Variants in MYEF2 observed in about 807,000 individuals in gnomAD.
MYEF2 encodes the protein myelin gene expression factor 2.
Under a neutral mutation model 75.2 loss-of-function variants are expected in MYEF2, and 37 were observed. The ratio of observed to expected loss-of-function variants is 0.49; its 90% CI spans 0.38 to 0.65. The LOEUF (loss-of-function observed/expected upper bound fraction) is 0.65. MYEF2 is among the 30% of genes least tolerant of loss of function. MYEF2 has a pLI of 0.00. For missense variants in MYEF2, 634 were observed against 771.4 expected (o/e 0.82, Z 2.11); for synonymous variants, 195 against 241.6 (o/e 0.81, Z 1.79).
chr15:48,147,285 A>G (rs1250216398), intron 16 of MYEF2, among the ~76,000 whole-genome samples: 1 of 151,956 alleles, frequency 6.6e-6, no homozygotes, highest in Non-Finnish European at 1.5e-5. Flanking sequence ...AGCCTTGCTC[A>G]TATCTAACCT....
Position 48,153,795 on chromosome 15 carries a change from C to A in MYEF2, c.1084G>T (p.Gly362Cys). Residue 362 changes from glycine to cysteine, a missense_variant, in exon 10 of 17, where the codon GGT (glycine) becomes TGT (cysteine). Coordinates refer to ENST00000324324, the MANE Select transcript of MYEF2 (RefSeq NM_016132.5). ...IGGVMGNLGP[G>C]GMGMDGPGFG... is the part of the protein sequence containing the mutation. ...AAGAGGAAGTTAGAATACTCACCAC[C>A]TGGACCTAAATTTCCCATTACTCCA... 3 of 1,612,472 alleles carry A rather than the reference C, an allele frequency of 1.9e-6. No homozygotes were observed. The highest frequency in any genetic ancestry group is 2.5e-6 in the Non-Finnish European group (3 of 1,178,912).
At position 48,142,885 on chromosome 15, in the gene MYEF2, A is replaced by T; in HGVS notation, c.*23T>A. On this transcript the variant is annotated 3_prime_UTR_variant, in exon 17 of 17. Coordinates refer to ENST00000324324, the MANE Select transcript of MYEF2 (RefSeq NM_016132.5). ...GGAGATTCAGCAAAACAGATGTAGGAATGTTCCAACCATGGCTTGAAATTA... is the reference window on the plus strand; with the variant it reads ...GGAGATTCAGCAAAACAGATGTAGGTATGTTCCAACCATGGCTTGAAATTA... 1 of 1,580,314 alleles carries T rather than the reference A, an allele frequency of 6.3e-7. No homozygotes were observed. The highest frequency in any genetic ancestry group is 8.6e-7 in the Non-Finnish European group (1 of 1,165,736).
chr15:48,166,419 T>G (rs2040135859), intron 3 of MYEF2, among the ~76,000 whole-genome samples: 2 of 151,968 alleles, frequency 1.3e-5, no homozygotes, highest in South Asian at 4.1e-4. Context: ...CTGCACAAAT[T>G]AAATCAACAG....
In MYEF2 at chr15:48,139,045, A is replaced by C. The variant is rs1467663918; in HGVS notation, c.*3863T>G. On this transcript the variant is annotated 3_prime_UTR_variant, in exon 17 of 17. Coordinates refer to ENST00000324324, the MANE Select transcript of MYEF2 (RefSeq NM_016132.5). ...GGGTATTATCCCTTCCTATTATTAC[A>C]TTACTTTTTCTAACCACACCAGATT... 4.3e-6 allele frequency: 7 copies of C among 1,613,110 alleles called. No individual in the cohort carries two copies. The highest frequency in any genetic ancestry group is 5.1e-6 in the Non-Finnish European group (6 of 1,179,332).
chr15:48,166,013 T>C lies in MYEF2; in HGVS notation c.445A>G (p.Lys149Glu). 6.3e-7 allele frequency: 1 copy of C among 1,596,100 alleles called. No individual in the cohort carries two copies. Among genetic ancestry groups the C allele is most frequent in the South Asian group, 1.1e-5 (1 of 87,792 alleles). The change falls in exon 5 of 17, where the codon AAA (lysine) becomes GAA (glutamate). Residue 149 changes from lysine to glutamate, a missense_variant. Coordinates refer to ENST00000324324, the MANE Select transcript of MYEF2 (RefSeq NM_016132.5). ...GCTTTCTTTACAAATTCTTCATCTT[T>C]GAATTCAACCACACTTAATAGGGAA... is the stretch of plus-strand genomic sequence containing the variant. ...KSRGCGVVEF[K>E]DEEFVKKALE...
At chr15:48,153,133 A>G (rs2140851670) in intron 10 of MYEF2, 1 of 152,264 alleles carries the variant, frequency 6.6e-6, no homozygotes, top group African/African-American at 2.4e-5. Flanking sequence ...AGGTAAAACA[A>G]TGCCACTCTC....
chr15:48,159,537 A>C, intron 6 of MYEF2, 76 bp downstream of exon 6: 3 of 1,322,464 alleles, frequency 2.3e-6, no homozygotes, highest in Non-Finnish European at 2.1e-6. Flanking sequence ...AATGTTCTAT[A>C]AACCTATAAC....
intron 9 of MYEF2, among the ~76,000 whole-genome samples, chr15:48,155,702 A>C (rs1310101297): frequency 6.6e-6 from 1 of 151,974 alleles, no homozygotes; most frequent in Non-Finnish European, 1.5e-5. Context: ...AAAAAAAAAA[A>C]ACTCATACAT....
intron 1 of MYEF2, among the ~76,000 whole-genome samples, chr15:48,176,447 A>G (rs1338675120): frequency 6.6e-6 from 1 of 152,034 alleles, no homozygotes; most frequent in Non-Finnish European, 1.5e-5. Context: ...TTCACCTTAT[A>G]TTTTTCTCTT....
At position 48,141,960 on chromosome 15, in the gene MYEF2, T is replaced by C; in HGVS notation, c.*948A>G. The C allele has an allele frequency of 8.6e-7, 1 of 1,168,364 alleles. No homozygotes were observed. The allele number at this position is 1,168,364 out of a possible 1,614,324, so 72.4% of individuals were successfully genotyped here. ...ACAAAAAAGTATCCAGTGTTTCTTT[T>C]CTTATGAAGATTATTAATAAAACAC... On this transcript the variant is annotated 3_prime_UTR_variant, in exon 17 of 17. Coordinates refer to ENST00000324324, the MANE Select transcript of MYEF2 (RefSeq NM_016132.5).
chr15:48,139,145 T>C lies in MYEF2; in HGVS notation c.*3763A>G, dbSNP rs771414512. The C allele has an allele frequency of 1.9e-6, 3 of 1,612,634 alleles. No homozygotes were observed. Among genetic ancestry groups the C allele is most frequent in the Admixed American group, 3.3e-5 (2 of 60,002 alleles). ...TGCAATATGGATATCCGCATTTACA[T>C]ATATCCTGGTTTGGATGGTCACAAT... is the stretch of plus-strand genomic sequence containing the variant. On this transcript the variant is annotated 3_prime_UTR_variant, in exon 17 of 17. Transcript: ENST00000324324.
intron 1 of MYEF2, among the ~76,000 whole-genome samples, chr15:48,175,512 A>G (rs776379634): frequency 6.6e-6 from 1 of 152,194 alleles, no homozygotes; most frequent in Non-Finnish European, 1.5e-5. Context: ...TACGTTAATT[A>G]GCGTGATTGT....
intron 3 of MYEF2, among the ~76,000 whole-genome samples, chr15:48,166,336 C>T (rs1597345049): frequency 2.0e-5 from 3 of 151,938 alleles, no homozygotes; most frequent in Admixed American, 2.0e-4. Context: ...AGATAGTAGA[C>T]TCTAACATGT....
intron 1 of MYEF2, among the ~76,000 whole-genome samples, chr15:48,177,215 G>A (rs996937500): frequency 6.6e-6 from 1 of 152,126 alleles, no homozygotes; most frequent in Non-Finnish European, 1.5e-5. Flanking sequence ...TCCTCCCACA[G>A]GACAGGAACA....
intron 9 of MYEF2, chr15:48,154,100 T>C (rs1384130618): frequency 2.2e-6 from 1 of 465,100 alleles, no homozygotes; most frequent in Non-Finnish European, 3.9e-6. Flanking sequence ...AAGTGTTTTA[T>C]GAAATAAAAC....
rs1044602846 is a variant in MYEF2 at position 48,149,514 on chromosome 15, TTAAA to T, written c.1379-147_1379-144del. The T allele has an allele frequency of 1.9e-6, 1 of 513,934 alleles. No homozygotes were observed. The highest frequency in any genetic ancestry group is 4.3e-5 in the South Asian group (1 of 23,280). 31.8% of individuals were successfully genotyped at this position (513,934 alleles called of 1,614,324 possible). ...GGGGGAAATTAATTTGTTTATATAA[TTAAA>T]TAATATAAAAACATAAAATTATTTT... On this transcript the variant is annotated intron_variant, in intron 14 of 16. Coordinates refer to ENST00000324324, the MANE Select transcript of MYEF2 (RefSeq NM_016132.5). The surrounding 1 kb of genome is among the most constrained non-coding windows in gnomAD (Gnocchi z 4.0).
At position 48,134,837 on chromosome 15, in the gene MYEF2, T is replaced by C. The variant is rs769436678; in HGVS notation, c.*8071A>G. The C allele has an allele frequency of 2.0e-5, 28 of 1,372,942 alleles. No homozygotes were observed. The Admixed American group carries it at 3.8e-4, about 19-fold the overall frequency. 85.0% of individuals were successfully genotyped at this position (1,372,942 alleles called of 1,614,324 possible). A position where few individuals can be genotyped will look rare whatever the true frequency, so the allele number is the denominator to read the frequency against. The stretch of plus-strand genomic sequence containing the variant: ...TTTAGTATTATACTAAGGATTGTAC[T>C]TGAAGAAGTTACAATGTAATGGAAA... On this transcript the variant is annotated 3_prime_UTR_variant, in exon 17 of 17. Coordinates refer to ENST00000324324, the MANE Select transcript of MYEF2 (RefSeq NM_016132.5).
At chr15:48,157,584 T>C (rs1458903842) in intron 9 of MYEF2, 1 of 215,328 alleles carries the variant, frequency 4.6e-6, no homozygotes, top group African/African-American at 2.3e-5. Context: ...AAAAAATGCT[T>C]ATACTCTAAT....
Position 48,140,504 on chromosome 15 carries a change from A to T in MYEF2, c.*2404T>A, listed in dbSNP as rs1221928842. Reference sequence around the variant, plus strand: ...CTGAGAATAAATACATTTCTGAAAAATGTTGACCTGACATCAAATTTAACA... The same window carrying T: ...CTGAGAATAAATACATTTCTGAAAATTGTTGACCTGACATCAAATTTAACA... On this transcript the variant is annotated 3_prime_UTR_variant, in exon 17 of 17. Coordinates refer to ENST00000324324, the MANE Select transcript of MYEF2 (RefSeq NM_016132.5). 1 of 152,162 alleles carries T rather than the reference A, an allele frequency of 6.6e-6. No homozygotes were observed. The highest frequency in any genetic ancestry group is 2.4e-5 in the African/African-American group (1 of 41,442). The allele number at this position is 152,162 out of a possible 1,614,324, so 9.4% of individuals were successfully genotyped here.
Sources: allele counts gnomAD v4.1 joint callset (sites outside exome capture counted in the v4.1 genomes callset), GRCh38; gene constraint gnomAD v4.1.1; non-coding constraint Gnocchi (gnomAD v3.1); transcripts MANE v1.5; gene names NCBI Gene and HGNC (gene_info 2026-07-23, HGNC 2026-07-21).